The following FAM168A variants were observed in gnomAD, a reference collection of about 807,000 sequenced individuals.
FAM168A encodes protein FAM168A.
Under a neutral mutation model 28.5 loss-of-function variants are expected in FAM168A, and 3 were observed. The observed-to-expected ratio is 0.11, with a 90% CI of 0.05 to 0.27. FAM168A has a LOEUF of 0.27. Among genes scored for constraint, FAM168A ranks in the 10% least tolerant of loss-of-function variants. The pLI, the probability that FAM168A is intolerant of heterozygous loss-of-function variation, is 1.00. For missense variants in FAM168A, 222 were observed against 311.5 expected (o/e 0.71, Z 2.16); for synonymous variants, 122 against 124.2 (o/e 0.98, Z 0.12).
chr11:73,528,656 C>A (rs777960538), intron 1 of FAM168A, among the ~76,000 whole-genome samples: 1 of 152,118 alleles, frequency 6.6e-6, no homozygotes, highest in African/African-American at 2.4e-5. Flanking sequence ...TTCTTTCTTG[C>A]GTGAGATCCA....
At chr11:73,583,492 C>G (rs1023817464) in intron 1 of FAM168A, among the ~76,000 whole-genome samples, 2 of 152,194 alleles carry the variant, frequency 1.3e-5, no homozygotes, top group Non-Finnish European at 2.9e-5. Flanking sequence ...AGATACAACT[C>G]CTGTCCACTG....
chr11:73,449,331 G>A (rs1330798858), intron 2 of FAM168A, among the ~76,000 whole-genome samples: 1 of 152,154 alleles, frequency 6.6e-6, no homozygotes, highest in Non-Finnish European at 1.5e-5. Flanking sequence ...GATGCATAGT[G>A]AGTGATAAAA....
intron 1 of FAM168A, among the ~76,000 whole-genome samples, chr11:73,503,632 G>T (rs983548676): frequency 2.0e-5 from 3 of 152,076 alleles, no homozygotes; most frequent in Admixed American, 2.0e-4. Context: ...ATTCTTCACA[G>T]AATTAGAAAA....
chr11:73,545,716 G>T (rs1461085265), intron 1 of FAM168A, among the ~76,000 whole-genome samples: 1 of 123,016 alleles, frequency 8.1e-6, no homozygotes, highest in South Asian at 2.6e-4. Context: ...TGGAGACAGA[G>T]TCTTGCTCTG....
chr11:73,568,229 T>C (rs1272618876), intron 1 of FAM168A, among the ~76,000 whole-genome samples: 1 of 152,142 alleles, frequency 6.6e-6, no homozygotes, highest in Non-Finnish European at 1.5e-5. Flanking sequence ...AGCCAACTAA[T>C]CAAGGCTGAA....
intron 3 of FAM168A, among the ~76,000 whole-genome samples, chr11:73,426,782 G>T (rs573524668): frequency 1.3e-5 from 2 of 151,576 alleles, no homozygotes; most frequent in East Asian, 3.9e-4. Context: ...ACCAAAATCA[G>T]AAGCAAAGTT....
intron 1 of FAM168A, among the ~76,000 whole-genome samples, chr11:73,470,200 G>A (rs943819798): frequency 2.0e-5 from 3 of 152,136 alleles, no homozygotes; most frequent in African/African-American, 4.8e-5. Context: ...GTGAGCCACC[G>A]CGCCTGGCCG....
intron 3 of FAM168A, 126 bp downstream of exon 3, chr11:73,430,564 T>G: frequency 1.2e-6 from 1 of 858,288 alleles, no homozygotes; most frequent in Non-Finnish European, 2.0e-6. Flanking sequence ...CCCAGGAAAA[T>G]CCAGCCTGGA....
At chr11:73,577,781 GA>G (rs1944194016) in intron 1 of FAM168A, among the ~76,000 whole-genome samples, 1 of 152,152 alleles carries the variant, frequency 6.6e-6, no homozygotes, top group Non-Finnish European at 1.5e-5. Flanking sequence ...TAGGCATAAA[GA>G]ATGCAAAAAC....
At chr11:73,484,701 G>GAT (rs1486331472) in intron 1 of FAM168A, among the ~76,000 whole-genome samples, 10 of 142,210 alleles carry the variant, frequency 7.0e-5, no homozygotes, top group Admixed American at 7.4e-5. Flanking sequence ...TATAGATATA[G>GAT]ATATATATAG....
chr11:73,469,988 T>C (rs1467068027), intron 1 of FAM168A, among the ~76,000 whole-genome samples: 1 of 152,200 alleles, frequency 6.6e-6, no homozygotes, highest in Non-Finnish European at 1.5e-5. Context: ...CTTGGCTCAC[T>C]GCAACCTCTG....
At chr11:73,523,003 ACT>A (rs1323538557) in intron 1 of FAM168A, among the ~76,000 whole-genome samples, 1 of 151,982 alleles carries the variant, frequency 6.6e-6, no homozygotes, top group Non-Finnish European at 1.5e-5. Context: ...ACAGAGCAAG[ACT>A]CTGTCTCAAA....
chr11:73,421,841 G>T (rs1866798454), intron 3 of FAM168A, among the ~76,000 whole-genome samples: 1 of 152,186 alleles, frequency 6.6e-6, no homozygotes, highest in Admixed American at 6.5e-5. Flanking sequence ...GCCTGAATTT[G>T]GCTGTAGGAA....
intron 4 of FAM168A, among the ~76,000 whole-genome samples, chr11:73,415,062 T>A (rs1866674444): frequency 6.6e-6 from 1 of 152,184 alleles, no homozygotes; most frequent in South Asian, 2.1e-4. Context: ...ATCAAAAAGC[T>A]CCAAGAGACT....
intron 1 of FAM168A, among the ~76,000 whole-genome samples, chr11:73,567,262 G>A (rs930683701): frequency 3.3e-5 from 5 of 152,114 alleles, no homozygotes; most frequent in Non-Finnish European, 5.9e-5. Context: ...TCAAATTTCC[G>A]GCTTGAGTGA....
chr11:73,441,246 A>G (rs2134529357), intron 2 of FAM168A, among the ~76,000 whole-genome samples: 1 of 152,174 alleles, frequency 6.6e-6, no homozygotes, highest in African/African-American at 2.4e-5. Flanking sequence ...CTTAGTAGAG[A>G]TGGGGTTTCA....
intron 2 of FAM168A, among the ~76,000 whole-genome samples, chr11:73,448,758 G>A (rs1867370060): frequency 6.6e-6 from 1 of 152,102 alleles, no homozygotes; most frequent in Non-Finnish European, 1.5e-5. Context: ...GAGACATAAT[G>A]ACTAGAGCTA....
At chr11:73,594,012 T>G (rs769235761) in intron 1 of FAM168A, among the ~76,000 whole-genome samples, 1 of 152,154 alleles carries the variant, frequency 6.6e-6, no homozygotes, top group Non-Finnish European at 1.5e-5. Context: ...AGACATTCAT[T>G]AAATAAATAA....
At chr11:73,447,488 G>C (rs1369245763) in intron 2 of FAM168A, among the ~76,000 whole-genome samples, 1 of 151,342 alleles carries the variant, frequency 6.6e-6, no homozygotes, top group East Asian at 1.9e-4. Flanking sequence ...AGGAGATCGA[G>C]GCTGCAGTGA....
Sources: gnomAD v4.1 joint callset for allele counts (sites outside exome capture counted in the v4.1 genomes callset) on GRCh38, gnomAD v4.1.1 for gene constraint, MANE v1.5 for transcripts, NCBI Gene and HGNC (gene_info 2026-07-23, HGNC 2026-07-21) for gene names.